PCDHGB1: variants seen among roughly 807,000 people sequenced by gnomAD.
PCDHGB1 encodes protocadherin gamma subfamily B, 1.
In PCDHGB1, 34 loss-of-function variants were observed where a neutral mutation model predicts 56.6. The ratio of observed to expected loss-of-function variants is 0.60; its 90% CI spans 0.46 to 0.80. The LOEUF (loss-of-function observed/expected upper bound fraction) is 0.80. Ranked by LOEUF, PCDHGB1 falls within the 30% of genes least tolerant of loss-of-function variation. The pLI is 0.00. For synonymous variants in PCDHGB1, 561 were observed against 505.9 expected (o/e 1.11, Z -1.46); for missense variants, 1,278 against 1,204.6 (o/e 1.06, Z -0.90).
In PCDHGB1 at chr5:141,404,506, C is replaced by T. The variant is rs530963064; in HGVS notation, c.2409+51837C>T. The stretch of plus-strand genomic sequence containing the variant: ...ACACTGGTGTGCTGTATGCTCTGTG[C>T]TCCTTTGACTATGAGCAGTTTAGAG... On this transcript the variant is annotated intron_variant, in intron 1 of 3. Coordinates refer to ENST00000523390, the MANE Select transcript of PCDHGB1 (RefSeq NM_018922.3). 540 of 1,613,932 alleles carry T rather than the reference C, an allele frequency of 3.3e-4. 6 individuals are homozygous for T. In the South Asian group the frequency reaches 5.6e-3, roughly 17 times the overall value.
intron 1 of PCDHGB1, chr5:141,410,207 C>T: frequency 6.2e-7 from 1 of 1,614,024 alleles, no homozygotes; most frequent in African/African-American, 1.3e-5. Context: ...AGACAACTTG[C>T]AAGAGATACT....
intron 1 of PCDHGB1, chr5:141,423,228 C>T (rs1321708353): frequency 6.2e-7 from 1 of 1,613,748 alleles, no homozygotes; most frequent in Non-Finnish European, 8.5e-7. Flanking sequence ...CTGTGGCCGA[C>T]AGCATCCCCG....
At chr5:141,400,339 A>G in intron 1 of PCDHGB1, 1 of 1,613,986 alleles carries the variant, frequency 6.2e-7, no homozygotes. Flanking sequence ...GGTTCCCCCC[A>G]ACTACAGTCA....
chr5:141,474,837 C>T (rs1250443544), intron 1 of PCDHGB1, among the ~76,000 whole-genome samples: 2 of 152,214 alleles, frequency 1.3e-5, no homozygotes, highest in Admixed American at 6.5e-5. Flanking sequence ...CTGTGCCAGG[C>T]ACTTTACCTG....
At position 141,369,932 on chromosome 5, in the gene PCDHGB1, G is replaced by C. The variant is rs571012686; in HGVS notation, c.2409+17263G>C. On this transcript the variant is annotated intron_variant, in intron 1 of 3. Transcript: ENST00000523390. ...AAAATGGAAACTAAAAACGTGACGG[G>C]ATTGAGCAAGATTATCTCTGCCCTT... Among the ~76,000 whole-genome samples the C allele has an allele frequency of 4.6e-5, 7 of 152,304 alleles. No homozygotes were observed. In the South Asian group the frequency reaches 1.5e-3, roughly 32 times the overall value.
intron 1 of PCDHGB1, chr5:141,427,440 G>C (rs747459662): frequency 4.2e-6 from 2 of 477,366 alleles, no homozygotes; most frequent in African/African-American, 2.0e-5. Flanking sequence ...CCTCATAAAC[G>C]AAAGAGTTCC....
intron 1 of PCDHGB1, among the ~76,000 whole-genome samples, chr5:141,444,242 G>A (rs964582042): frequency 7.5e-6 from 1 of 133,896 alleles, no homozygotes; most frequent in Non-Finnish European, 1.5e-5. Flanking sequence ...CATGCTCTCG[G>A]CTCACTGCAA....
At position 141,494,872 on chromosome 5, in the gene PCDHGB1, G is replaced by T. The variant is rs917132299; in HGVS notation, c.2468+7G>T. On this transcript the variant is annotated splice_region_variant and intron_variant, in intron 2 of 3. Transcript: ENST00000523390. The stretch of plus-strand genomic sequence containing the variant: ...AGAGACCCGGCACCAGCGGGTAGGT[G>T]ACTGATTCTCCAGCCCACCCTCTTC... 7 of 1,614,010 alleles carry T rather than the reference G, an allele frequency of 4.3e-6. No homozygotes were observed. The highest frequency in any genetic ancestry group is 1.3e-5 in the African/African-American group (1 of 74,910).
intron 1 of PCDHGB1, chr5:141,395,376 T>G (rs1589259426): frequency 1.7e-6 from 2 of 1,180,196 alleles, no homozygotes; most frequent in East Asian, 5.2e-5. Flanking sequence ...TTTGGTGGTG[T>G]TACTATAAAA....
chr5:141,385,730 A>G (rs763520161), intron 1 of PCDHGB1: 8 of 214,510 alleles, frequency 3.7e-5, no homozygotes, highest in Non-Finnish European at 5.7e-5. Flanking sequence ...GTTCTGAAAG[A>G]TTTCTTCCAT....
chr5:141,478,164 C>T, intron 1 of PCDHGB1: 1 of 1,614,010 alleles, frequency 6.2e-7, no homozygotes, highest in Non-Finnish European at 8.5e-7. Context: ...GGCTCTGCCC[C>T]CCGGGAGCAG....
At chr5:141,418,418 G>C (rs1366605966) in intron 1 of PCDHGB1, 1 of 1,613,998 alleles carries the variant, frequency 6.2e-7, no homozygotes, top group East Asian at 2.2e-5. Flanking sequence ...AGACAATCCT[G>C]ATGGTGGCAA....
chr5:141,383,308 G>T, intron 1 of PCDHGB1: 1 of 1,613,976 alleles, frequency 6.2e-7, no homozygotes, highest in Non-Finnish European at 8.5e-7. Context: ...CTTGACGGAA[G>T]AAATAAATGT....
chr5:141,446,771 A>G (rs1008985621), intron 1 of PCDHGB1, among the ~76,000 whole-genome samples: 3 of 152,158 alleles, frequency 2.0e-5, no homozygotes, highest in Admixed American at 2.0e-4. Flanking sequence ...CCAGCCGGTT[A>G]CCATTCTTTT....
chr5:141,357,077 T>C (rs1040495853), intron 1 of PCDHGB1: 1 of 1,613,842 alleles, frequency 6.2e-7, no homozygotes, highest in African/African-American at 1.3e-5. Flanking sequence ...ACAGGCGAGG[T>C]GCGCACCGCA....
intron 1 of PCDHGB1, chr5:141,385,839 AT>A (rs758941967): frequency 8.1e-4 from 124 of 153,978 alleles, no homozygotes; most frequent in Admixed American, 2.3e-3. Context: ...CAGTATAATC[AT>A]TTATTAATGG....
chr5:141,356,437 G>A, intron 1 of PCDHGB1: 1 of 1,611,386 alleles, frequency 6.2e-7, no homozygotes, highest in Non-Finnish European at 8.5e-7. Flanking sequence ...ACTGGACAGG[G>A]AAGAAGTCTC....
intron 1 of PCDHGB1, chr5:141,376,660 T>C (rs1772971230): frequency 1.1e-6 from 1 of 886,650 alleles, no homozygotes; most frequent in African/African-American, 1.8e-5. Flanking sequence ...GACTCCCTTG[T>C]TCAGGTGAGG....
chr5:141,420,293 A>T (rs1478341095), intron 1 of PCDHGB1: 1 of 1,485,484 alleles, frequency 6.7e-7, no homozygotes, highest in Admixed American at 2.2e-5. Context: ...TTAAAAATGT[A>T]TTTAATCCTT....
Sources: gnomAD v4.1 joint callset for allele counts (sites outside exome capture counted in the v4.1 genomes callset) on GRCh38, gnomAD v4.1.1 for gene constraint, MANE v1.5 for transcripts, NCBI Gene and HGNC (gene_info 2026-07-23, HGNC 2026-07-21) for gene names.